CC2D2B: variants seen among roughly 807,000 people sequenced by gnomAD.
The protein encoded by CC2D2B is protein CC2D2B.
Under a neutral mutation model 161.2 loss-of-function variants are expected in CC2D2B, and 128 were observed. The observed-to-expected ratio is 0.79, with a 90% CI of 0.69 to 0.92. The LOEUF (loss-of-function observed/expected upper bound fraction) is 0.92. Among genes scored for constraint, CC2D2B ranks in the 40% least tolerant of loss-of-function variants. The probability of loss-of-function intolerance (pLI) is 0.00; values close to 1 mark genes in which losing one functional copy is unlikely to be tolerated. For synonymous variants in CC2D2B, 391 were observed against 449.8 expected, an observed-to-expected ratio of 0.87 and a Z score of 1.65; for missense variants, 1,173 against 1,375.1, an observed-to-expected ratio of 0.85 and a Z score of 2.32.
chr10:95,967,994 C>T (rs2077000020), intron 14 of CC2D2B, among the ~76,000 whole-genome samples: 1 of 152,140 alleles, frequency 6.6e-6, no homozygotes. Context: ...TCTCTTGCCA[C>T]TAGGAAAATA....
intron 6 of CC2D2B, among the ~76,000 whole-genome samples, chr10:95,931,715 G>A (rs1361502839): frequency 1.3e-5 from 2 of 152,174 alleles, no homozygotes; most frequent in Non-Finnish European, 2.9e-5. Flanking sequence ...TTAATCCTGA[G>A]TTCTAATTTG....
chr10:95,955,299 T>C (rs2076535001), intron 10 of CC2D2B, 95 bp from the exon 11 acceptor site: 2 of 395,662 alleles, frequency 5.1e-6, no homozygotes, highest in Non-Finnish European at 8.9e-6. Flanking sequence ...TATACATTTG[T>C]TCGGCTGCTG....
In CC2D2B at chr10:96,025,640, G is replaced by A. The variant is rs148046524; in HGVS notation, c.3947+729G>A. 9.2e-5 allele frequency among the ~76,000 whole-genome samples: 14 copies of A among 152,302 alleles called. No homozygotes were observed. In the East Asian group the frequency reaches 2.3e-3, roughly 25 times the overall value. On this transcript the variant is annotated intron_variant, in intron 33 of 34. Transcript: ENST00000646931. Reference sequence around the variant, plus strand: ...AATGTCCCAGTTAGGCAGTAGAAACGGCAGTACTGCCACAGCTGGACACTC... The same window carrying A: ...AATGTCCCAGTTAGGCAGTAGAAACAGCAGTACTGCCACAGCTGGACACTC...
At chr10:95,996,942 T>C (rs2078252349) in intron 24 of CC2D2B, among the ~76,000 whole-genome samples, 1 of 152,206 alleles carries the variant, frequency 6.6e-6, no homozygotes, top group Admixed American at 6.5e-5. Context: ...GGGTTCACTT[T>C]CTTCTACTCT....
intron 28 of CC2D2B, among the ~76,000 whole-genome samples, chr10:96,013,386 A>G (rs1381136079): frequency 6.6e-6 from 1 of 151,972 alleles, no homozygotes; most frequent in Non-Finnish European, 1.5e-5. Context: ...AAAAAAAAAA[A>G]ACCTTTGCTA....
At chr10:95,934,260 C>T (rs897851888) in intron 6 of CC2D2B, among the ~76,000 whole-genome samples, 1 of 152,152 alleles carries the variant, frequency 6.6e-6, no homozygotes, top group African/African-American at 2.4e-5. Flanking sequence ...AGGTCGACTT[C>T]AGACTGCTGT....
In CC2D2B at chr10:95,928,389, G is replaced by C. The variant is rs182856669; in HGVS notation, c.336+1057G>C. ...TTTTTCATACTTTTCTCTATGCTTA[G>C]CCCTGTACATGCACACACACGTTTT... On this transcript the variant is annotated intron_variant, in intron 6 of 34. Transcript: ENST00000646931. 7.2e-5 allele frequency among the ~76,000 whole-genome samples: 11 copies of C among 152,052 alleles called. No individual in the cohort carries two copies. In the East Asian group the frequency reaches 2.1e-3, roughly 29 times the overall value.
chr10:95,915,760 T>A (rs1345940820), intron 2 of CC2D2B, among the ~76,000 whole-genome samples: 1 of 152,342 alleles, frequency 6.6e-6, no homozygotes, highest in Non-Finnish European at 1.5e-5. Flanking sequence ...TCTCATTTGG[T>A]CACGATGAAT....
At chr10:95,998,948 G>A (rs937187375) in intron 24 of CC2D2B, among the ~76,000 whole-genome samples, 3 of 152,106 alleles carry the variant, frequency 2.0e-5, no homozygotes, top group African/African-American at 7.2e-5. Context: ...AGCTGTGCTG[G>A]TGGATGCCTG....
chr10:95,987,152 C>T (rs1286971825), intron 19 of CC2D2B, among the ~76,000 whole-genome samples: 3 of 151,758 alleles, frequency 2.0e-5, no homozygotes, highest in Non-Finnish European at 2.9e-5. Flanking sequence ...GTGAGACCCT[C>T]GTCTCTACTA....
chr10:95,999,473 ATTATT>A (rs893905847), intron 24 of CC2D2B, among the ~76,000 whole-genome samples: 7 of 151,478 alleles, frequency 4.6e-5, no homozygotes, highest in African/African-American at 1.5e-4. Flanking sequence ...CTTTTTGGAA[ATTATT>A]TTATTTCTTC....
intron 9 of CC2D2B, 144 bp downstream of exon 9, chr10:95,939,069 C>A: frequency 2.2e-6 from 1 of 445,558 alleles, no homozygotes; most frequent in Admixed American, 4.1e-5. Context: ...TGTTAAATAG[C>A]CCTTAAAATT....
chr10:95,958,123 A>C (rs919553467), intron 11 of CC2D2B, among the ~76,000 whole-genome samples: 1 of 152,068 alleles, frequency 6.6e-6, no homozygotes, highest in African/African-American at 2.4e-5. Context: ...ACTTGAAAAC[A>C]ACTGTCATAA....
intron 2 of CC2D2B, among the ~76,000 whole-genome samples, chr10:95,912,130 G>T (rs772815772): frequency 4.6e-5 from 7 of 152,154 alleles, no homozygotes; most frequent in Non-Finnish European, 1.0e-4. Context: ...TGTTTTTACT[G>T]TGATTAGAAA....
At chr10:95,922,438 T>G (rs1428220575) in intron 3 of CC2D2B, among the ~76,000 whole-genome samples, 2 of 152,204 alleles carry the variant, frequency 1.3e-5, no homozygotes, top group African/African-American at 4.8e-5. Context: ...AAGCAAATAT[T>G]TATTGAGCAT....
At chr10:95,982,215 C>T in intron 18 of CC2D2B, 102 bp downstream of exon 18, 2 of 780,610 alleles carry the variant, frequency 2.6e-6, no homozygotes, top group Non-Finnish European at 3.5e-6. Context: ...TTTTTCTAGG[C>T]TCTTGGGGTT....
At chr10:95,971,905 G>C (rs2077149905) in intron 15 of CC2D2B, among the ~76,000 whole-genome samples, 161 bp from the exon 16 acceptor site, 1 of 152,176 alleles carries the variant, frequency 6.6e-6, no homozygotes, top group Non-Finnish European at 1.5e-5. Flanking sequence ...TCAAGGACAT[G>C]ACTGGCTGCT....
intron 33 of CC2D2B, among the ~76,000 whole-genome samples, chr10:96,026,357 A>G (rs1407418646): frequency 6.6e-6 from 1 of 152,130 alleles, no homozygotes; most frequent in Admixed American, 6.6e-5. Flanking sequence ...TATGGGTAAC[A>G]ATGCCTGCCC....
intron 10 of CC2D2B, chr10:95,950,576 T>A (rs554816235): frequency 1.3e-5 from 2 of 152,388 alleles, no homozygotes; most frequent in South Asian, 4.1e-4. Context: ...TATAAACTTG[T>A]GCCTCATTTA....
Sources: allele counts gnomAD v4.1 joint callset (sites outside exome capture counted in the v4.1 genomes callset), GRCh38; gene constraint gnomAD v4.1.1; transcripts MANE v1.5; gene names NCBI Gene and HGNC (gene_info 2026-07-23, HGNC 2026-07-21).